The following DGKB variants were observed in gnomAD, a reference collection of about 807,000 sequenced individuals.
DGKB encodes the protein 90 kDa diacylglycerol kinase.
Under a neutral mutation model 114.3 loss-of-function variants are expected in DGKB, and 67 were observed. That is an observed-to-expected ratio of 0.59 (90% CI 0.48 to 0.72). DGKB has a LOEUF of 0.72. Ranked by LOEUF, DGKB falls within the 30% of genes least tolerant of loss-of-function variation. The pLI is 0.00. For missense variants in DGKB, 907 were observed against 975.2 expected, an observed-to-expected ratio of 0.93 and a Z score of 0.93; for synonymous variants, 398 against 323.1, an observed-to-expected ratio of 1.23 and a Z score of -2.49.
intron 21 of DGKB, among the ~76,000 whole-genome samples, chr7:14,350,838 T>C (rs17168089): frequency 0.026 from 3,929 of 152,186 alleles, 75 homozygotes; most frequent in South Asian, 0.093. Context: ...AAAATCATAA[T>C]ATTTTAAGTA....
intron 20 of DGKB, among the ~76,000 whole-genome samples, chr7:14,513,220 C>T (rs1447001038): frequency 6.6e-6 from 1 of 151,976 alleles, no homozygotes; most frequent in Admixed American, 6.6e-5. Flanking sequence ...ATTATTCTAT[C>T]TTCTACATGT....
chr7:14,217,612 G>T (rs184280418), intron 23 of DGKB, among the ~76,000 whole-genome samples: 1 of 151,232 alleles, frequency 6.6e-6, no homozygotes, highest in Admixed American at 6.6e-5. Context: ...AAAAAAACTA[G>T]AACGTACATG....
chr7:14,949,876 C>G (rs1296900811), intron 1 of DGKB, among the ~76,000 whole-genome samples: 1 of 151,632 alleles, frequency 6.6e-6, no homozygotes, highest in Non-Finnish European at 1.5e-5. Flanking sequence ...ACTGCATGTT[C>G]TCACTCATAG....
chr7:14,316,312 A>T (rs1247908928), intron 23 of DGKB, among the ~76,000 whole-genome samples: 1 of 142,484 alleles, frequency 7.0e-6, no homozygotes, highest in Non-Finnish European at 1.5e-5. Flanking sequence ...ATAGAGACAC[A>T]AAAAACCCTT....
intron 21 of DGKB, among the ~76,000 whole-genome samples, chr7:14,448,684 C>T (rs544451083): frequency 6.6e-6 from 1 of 152,138 alleles, no homozygotes; most frequent in East Asian, 1.9e-4. Flanking sequence ...TTCTAAGATG[C>T]TTAGTTTTAT....
intron 23 of DGKB, among the ~76,000 whole-genome samples, chr7:14,262,135 C>T (rs988128685): frequency 1.1e-4 from 16 of 152,060 alleles, no homozygotes; most frequent in Admixed American, 8.5e-4. Flanking sequence ...AAGATAATGA[C>T]GTATCAGTTG....
intron 1 of DGKB, among the ~76,000 whole-genome samples, chr7:14,940,195 G>A (rs1785495165): frequency 6.6e-6 from 1 of 152,106 alleles, no homozygotes; most frequent in African/African-American, 2.4e-5. Context: ...TTTAATGAAT[G>A]GCTTTATATG....
intron 21 of DGKB, among the ~76,000 whole-genome samples, chr7:14,472,924 G>T (rs572555601): frequency 6.6e-6 from 1 of 152,130 alleles, no homozygotes; most frequent in Non-Finnish European, 1.5e-5. Context: ...AGGTGACTTG[G>T]GTGCTGTTAA....
At chr7:14,413,237 G>T (rs930827968) in intron 21 of DGKB, among the ~76,000 whole-genome samples, 2 of 152,028 alleles carry the variant, frequency 1.3e-5, no homozygotes, top group Non-Finnish European at 2.9e-5. Context: ...CATCCCAGAT[G>T]GGGCCAGGCA....
chr7:14,919,385 T>A (rs1784410220), intron 1 of DGKB, among the ~76,000 whole-genome samples: 10 of 152,140 alleles, frequency 6.6e-5, no homozygotes, highest in Admixed American at 6.5e-4. Flanking sequence ...AATAGTCTTT[T>A]CAACAAGTGC....
intron 1 of DGKB, among the ~76,000 whole-genome samples, chr7:14,872,900 A>T (rs1457866969): frequency 1.3e-5 from 2 of 151,656 alleles, no homozygotes; most frequent in South Asian, 2.1e-4. Flanking sequence ...AATCAGAGCC[A>T]ATACAAAAGG....
At chr7:14,471,713 T>C (rs1051429594) in intron 21 of DGKB, among the ~76,000 whole-genome samples, 7 of 152,024 alleles carry the variant, frequency 4.6e-5, no homozygotes, top group Non-Finnish European at 1.0e-4. Flanking sequence ...ACTCTACATA[T>C]CACAGTTCAA....
Position 14,544,155 on chromosome 7 carries a change from C to A in DGKB, c.1770+30057G>T, listed in dbSNP as rs577075439. 1.0e-3 allele frequency among the ~76,000 whole-genome samples: 158 copies of A among 152,114 alleles called. 1 individual carries two copies. Among genetic ancestry groups the A allele is most frequent in the African/African-American group, 3.8e-3 (156 of 41,518 alleles). On this transcript the variant is annotated intron_variant, in intron 20 of 25. Coordinates refer to ENST00000402815, the MANE Select transcript of DGKB (RefSeq NM_001350709.2). ...GCAAAAATTGCATATATTTAGAAAA[C>A]CTCAGCAGAACATCACAATAAAGCT...
At chr7:14,379,885 TCCTCTCCCAAA>T (rs1819150611) in intron 21 of DGKB, among the ~76,000 whole-genome samples, 2 of 36,292 alleles carry the variant, frequency 5.5e-5, no homozygotes, top group Non-Finnish European at 8.2e-5. Flanking sequence ...ATACAATAAT[TCCTCTCCCAAA>T]GTGTTGGGAT....
At chr7:14,152,255 A>G (rs1038588554) in intron 25 of DGKB, among the ~76,000 whole-genome samples, 1 of 152,120 alleles carries the variant, frequency 6.6e-6, no homozygotes, top group Non-Finnish European at 1.5e-5. Flanking sequence ...ATTAAGCGTC[A>G]GGTAATTACT....
intron 23 of DGKB, among the ~76,000 whole-genome samples, chr7:14,312,399 T>C (rs556513752): frequency 4.9e-4 from 75 of 152,340 alleles, no homozygotes; most frequent in African/African-American, 1.7e-3. Flanking sequence ...TGTATAAAAT[T>C]GCTGGATCTT....
At chr7:14,197,573 A>T (rs949712649) in intron 23 of DGKB, among the ~76,000 whole-genome samples, 3 of 152,084 alleles carry the variant, frequency 2.0e-5, no homozygotes, top group Non-Finnish European at 4.4e-5. Flanking sequence ...TATATTTAAG[A>T]TCAGTGGGGG....
Position 14,565,639 on chromosome 7 carries a change from A to G in DGKB, c.1770+8573T>C, listed in dbSNP as rs138714100. ...GTAAATGAGACCACCTAGTTGTTAA[A>G]CTTAAAACCTCAGGATATTTTATTT... is the stretch of plus-strand genomic sequence containing the variant. On this transcript the variant is annotated intron_variant, in intron 20 of 25. Transcript: ENST00000402815. Among the ~76,000 whole-genome samples the G allele has an allele frequency of 5.1e-3, 783 of 152,250 alleles. 8 individuals carry two copies. The highest frequency in any genetic ancestry group is 0.018 in the African/African-American group (759 of 41,554).
At chr7:14,886,544 C>A (rs1465834558) in intron 1 of DGKB, among the ~76,000 whole-genome samples, 2 of 151,912 alleles carry the variant, frequency 1.3e-5, no homozygotes, top group African/African-American at 4.8e-5. Flanking sequence ...CCACTCTTGA[C>A]TTTTCTACAT....
Sources: gnomAD v4.1 joint callset for allele counts (sites outside exome capture counted in the v4.1 genomes callset) on GRCh38, gnomAD v4.1.1 for gene constraint, MANE v1.5 for transcripts, NCBI Gene and HGNC (gene_info 2026-07-23, HGNC 2026-07-21) for gene names.